The following CYP7B1 variants were observed in gnomAD, a reference collection of about 807,000 sequenced individuals.
CYP7B1 encodes cytochrome P450 family 7 subfamily B member 1.
Under a neutral mutation model 42.7 loss-of-function variants are expected in CYP7B1, and 29 were observed. The observed-to-expected ratio is 0.68, with a 90% CI of 0.51 to 0.93. The LOEUF (loss-of-function observed/expected upper bound fraction) is 0.93. CYP7B1 is among the 40% of genes least tolerant of loss of function. CYP7B1 has a pLI of 0.00. For missense variants in CYP7B1, 655 were observed against 600.5 expected, an observed-to-expected ratio of 1.09 and a Z score of -0.95; for synonymous variants, 235 against 218.2, an observed-to-expected ratio of 1.08 and a Z score of -0.68.
At chr8:64,677,357 C>T (rs1806461750) in intron 1 of CYP7B1, among the ~76,000 whole-genome samples, 1 of 130,496 alleles carries the variant, frequency 7.7e-6, no homozygotes, top group African/African-American at 2.8e-5. Flanking sequence ...GTACTAGTAA[C>T]ATTTAAATAA....
chr8:64,741,338 T>C (rs1807564111), intron 1 of CYP7B1, among the ~76,000 whole-genome samples: 1 of 152,156 alleles, frequency 6.6e-6, no homozygotes, highest in Non-Finnish European at 1.5e-5. Context: ...TTTTTTTTTT[T>C]GAGACAGTTT....
chr8:64,741,462 G>A (rs1807567002), intron 1 of CYP7B1, among the ~76,000 whole-genome samples: 1 of 152,044 alleles, frequency 6.6e-6, no homozygotes, highest in Non-Finnish European at 1.5e-5. Context: ...TGGGATTACA[G>A]GCATGCACCA....
intron 1 of CYP7B1, among the ~76,000 whole-genome samples, chr8:64,676,764 G>A (rs532503821): frequency 2.6e-5 from 4 of 152,024 alleles, no homozygotes; most frequent in African/African-American, 7.2e-5. Context: ...ATTTGCTCCC[G>A]TTTTCTTTGA....
chr8:64,645,367 A>G (rs1198714512), intron 1 of CYP7B1, among the ~76,000 whole-genome samples: 6 of 152,252 alleles, frequency 3.9e-5, no homozygotes, highest in African/African-American at 1.4e-4. Context: ...ACTAGTTTAC[A>G]GTCCAACCAA....
At chr8:64,764,936 C>T (rs567329918) in intron 1 of CYP7B1, among the ~76,000 whole-genome samples, 129 of 151,568 alleles carry the variant, frequency 8.5e-4, no homozygotes, top group African/African-American at 2.8e-3. Context: ...TCCGACCAGA[C>T]CTAGACAGGA....
chr8:64,657,487 C>T (rs946789139), intron 1 of CYP7B1, among the ~76,000 whole-genome samples: 1 of 152,146 alleles, frequency 6.6e-6, no homozygotes, highest in Non-Finnish European at 1.5e-5. Context: ...GGTAAAAATT[C>T]CATGTAACAT....
intron 1 of CYP7B1, among the ~76,000 whole-genome samples, chr8:64,692,603 G>T (rs1175641782): frequency 1.3e-5 from 2 of 152,184 alleles, no homozygotes; most frequent in Non-Finnish European, 2.9e-5. Context: ...CTCAGGCTTG[G>T]ATTCCACAGC....
At chr8:64,748,004 T>C (rs117148879) in intron 1 of CYP7B1, among the ~76,000 whole-genome samples, 1,997 of 152,208 alleles carry the variant, frequency 0.013, 18 homozygotes, top group Non-Finnish European at 0.021. Flanking sequence ...ACTTCACAAC[T>C]TCAGGATTTG....
At chr8:64,746,514 T>C (rs1350073953) in intron 1 of CYP7B1, among the ~76,000 whole-genome samples, 1 of 152,210 alleles carries the variant, frequency 6.6e-6, no homozygotes, top group Non-Finnish European at 1.5e-5. Context: ...CCAAATGCAT[T>C]TGTATTTTGG....
chr8:64,791,566 C>T (rs1367151620), intron 1 of CYP7B1, among the ~76,000 whole-genome samples: 1 of 152,168 alleles, frequency 6.6e-6, no homozygotes, highest in Non-Finnish European at 1.5e-5. Context: ...TGGTGGCCTC[C>T]AGACGCTGGA....
chr8:64,729,579 T>C (rs192716573), intron 1 of CYP7B1, among the ~76,000 whole-genome samples: 63 of 152,380 alleles, frequency 4.1e-4, no homozygotes, highest in African/African-American at 1.5e-3. Flanking sequence ...ATATAACTAA[T>C]ATTTATCCAG....
intron 1 of CYP7B1, among the ~76,000 whole-genome samples, chr8:64,760,173 T>C (rs1402729276): frequency 2.0e-5 from 3 of 152,132 alleles, no homozygotes; most frequent in Non-Finnish European, 4.4e-5. Flanking sequence ...ATAAACAGTG[T>C]TGGTAAACCT....
intron 4 of CYP7B1, among the ~76,000 whole-genome samples, chr8:64,605,476 T>A (rs924281333): frequency 2.0e-4 from 31 of 152,176 alleles, no homozygotes; most frequent in Admixed American, 2.0e-4. Flanking sequence ...CACCATCATA[T>A]CCTGGAAGAT....
intron 4 of CYP7B1, among the ~76,000 whole-genome samples, chr8:64,606,761 C>T (rs1033299206): frequency 6.6e-6 from 1 of 152,150 alleles, no homozygotes; most frequent in African/African-American, 2.4e-5. Flanking sequence ...GGTTGGCTCT[C>T]GCTCTGAGCC....
chr8:64,738,082 C>T (rs1807516353), intron 1 of CYP7B1, among the ~76,000 whole-genome samples: 2 of 152,134 alleles, frequency 1.3e-5, no homozygotes, highest in African/African-American at 4.8e-5. Flanking sequence ...TTTATTCTGA[C>T]CTAGAGCTGA....
At chr8:64,716,031 G>A (rs1807149745) in intron 1 of CYP7B1, among the ~76,000 whole-genome samples, 1 of 152,050 alleles carries the variant, frequency 6.6e-6, no homozygotes, top group Non-Finnish European at 1.5e-5. Flanking sequence ...TCTTCTCTAA[G>A]TGAAAACATA....
At chr8:64,614,245 T>C (rs1173930379) in intron 4 of CYP7B1, among the ~76,000 whole-genome samples, 1 of 152,050 alleles carries the variant, frequency 6.6e-6, no homozygotes, top group Non-Finnish European at 1.5e-5. Context: ...TTAAACGAAA[T>C]CTGCTGCGAT....
intron 1 of CYP7B1, among the ~76,000 whole-genome samples, chr8:64,746,218 C>A (rs1040735080): frequency 6.6e-6 from 1 of 152,040 alleles, no homozygotes. Context: ...GGTAGTAATT[C>A]TGCAATACTA....
At chr8:64,625,882 G>C (rs755601043) in intron 1 of CYP7B1, among the ~76,000 whole-genome samples, 15 of 151,514 alleles carry the variant, frequency 9.9e-5, no homozygotes, top group Non-Finnish European at 1.6e-4. Context: ...AAAAACCTTC[G>C]ATTATATTCT....
Sources: gnomAD v4.1 joint callset for allele counts (sites outside exome capture counted in the v4.1 genomes callset) on GRCh38, gnomAD v4.1.1 for gene constraint, MANE v1.5 for transcripts, NCBI Gene and HGNC (gene_info 2026-07-23, HGNC 2026-07-21) for gene names.